ZSWIM5: variants seen among roughly 807,000 people sequenced by gnomAD.
ZSWIM5 encodes the protein zinc finger SWIM-type containing 5.
In ZSWIM5, 55 loss-of-function variants were observed where a neutral mutation model predicts 119.6. The observed-to-expected ratio is 0.46, with a 90% CI of 0.37 to 0.58. ZSWIM5 has a LOEUF of 0.58. Among genes scored for constraint, ZSWIM5 ranks in the 20% least tolerant of loss-of-function variants. The pLI, the probability that ZSWIM5 is intolerant of heterozygous loss-of-function variation, is 0.00. For synonymous variants in ZSWIM5, 537 were observed against 606.9 expected (o/e 0.88, Z 1.69); for missense variants, 1,193 against 1,512.8 (o/e 0.79, Z 3.51).
At chr1:45,104,384 T>A (rs1361865853) in intron 1 of ZSWIM5, among the ~76,000 whole-genome samples, 1 of 152,202 alleles carries the variant, frequency 6.6e-6, no homozygotes, top group African/African-American at 2.4e-5. Flanking sequence ...GAGTTGTAAT[T>A]CTAGTACCCC....
rs1645085847 is a variant in ZSWIM5 at position 45,051,105 on chromosome 1, A to T, written c.1401T>A (p.Asn467Lys). ...NYGHELPNIT[N>K]ALPQSAIHSP... ...TGTGAATGGCACTCTGGGGAAGTGCATTGGTGATGTTGGGCAGCTCATGTC... is the reference window on the plus strand; with the variant it reads ...TGTGAATGGCACTCTGGGGAAGTGCTTTGGTGATGTTGGGCAGCTCATGTC... The change falls in exon 5 of 14, where the codon AAT (asparagine) becomes AAA (lysine). Residue 467 changes from asparagine to lysine, a missense_variant. Around this residue, in one of 2 missense-constraint regions of ZSWIM5, gnomAD observed 961 missense variants for 1,290.0 expected, o/e 0.74. Transcript: ENST00000359600. 1 of 1,614,118 alleles carries T rather than the reference A, an allele frequency of 6.2e-7. No homozygotes were observed. Among genetic ancestry groups the T allele is most frequent in the Non-Finnish European group, 8.5e-7 (1 of 1,180,012 alleles).
At chr1:45,145,305 T>A (rs1645753431) in intron 1 of ZSWIM5, among the ~76,000 whole-genome samples, 1 of 148,184 alleles carries the variant, frequency 6.7e-6, no homozygotes. Flanking sequence ...GCAATCCCAC[T>A]CCTGGGATTT....
chr1:45,118,625 C>T lies in ZSWIM5; in HGVS notation c.596-30388G>A, dbSNP rs752831820. Among the ~76,000 whole-genome samples, 4 of 151,624 alleles carry T rather than the reference C, an allele frequency of 2.6e-5. 1 individual carries two copies. Among genetic ancestry groups the T allele is most frequent in the Non-Finnish European group, 5.9e-5 (4 of 67,864 alleles). On this transcript the variant is annotated intron_variant, in intron 1 of 13. Coordinates refer to ENST00000359600, the MANE Select transcript of ZSWIM5 (RefSeq NM_020883.2). ...AGTGTGCTGGTGCATGCCTGTAGTC[C>T]CAGCTACTCTGGAGGCTGAGGTGGT...
intron 1 of ZSWIM5, among the ~76,000 whole-genome samples, chr1:45,171,049 C>T (rs1432712827): frequency 6.6e-6 from 1 of 152,022 alleles, no homozygotes; most frequent in Non-Finnish European, 1.5e-5. Flanking sequence ...ATAAATCATA[C>T]ATTTTCACAT....
At chr1:45,039,449 G>A (rs923369679) in intron 7 of ZSWIM5, among the ~76,000 whole-genome samples, 2 of 152,324 alleles carry the variant, frequency 1.3e-5, no homozygotes, top group South Asian at 4.1e-4. Context: ...GCAGTGGCGT[G>A]ATCTTGGCTC....
At chr1:45,178,609 G>T (rs1282274706) in intron 1 of ZSWIM5, among the ~76,000 whole-genome samples, 2 of 152,022 alleles carry the variant, frequency 1.3e-5, no homozygotes. Flanking sequence ...TATTTAGTAA[G>T]AAATTTGCAT....
At position 45,057,946 on chromosome 1, in the gene ZSWIM5, A is replaced by G. The variant is rs536730015; in HGVS notation, c.1252+663T>C. 1.3e-5 allele frequency among the ~76,000 whole-genome samples: 2 copies of G among 152,226 alleles called. No homozygotes were observed. The highest frequency in any genetic ancestry group is 2.9e-5 in the Non-Finnish European group (2 of 68,040). Reference sequence around the variant, plus strand: ...GTCACTGGATGTAGGGAATGAAAGAAAAATGAGTGCTTAGCAATAAGTTTG... The same window carrying G: ...GTCACTGGATGTAGGGAATGAAAGAGAAATGAGTGCTTAGCAATAAGTTTG... On this transcript the variant is annotated intron_variant, in intron 4 of 13. Coordinates refer to ENST00000359600, the MANE Select transcript of ZSWIM5 (RefSeq NM_020883.2). This position sits in a 1 kb window ranked among gnomAD's most constrained non-coding sequence, Gnocchi z 4.7.
rs189694612 is a variant in ZSWIM5 at position 45,036,257 on chromosome 1, A to G, written c.1937T>C (p.Val646Ala). Residue 646 changes from valine to alanine, a missense_variant, in exon 9 of 14, where the codon GTG (valine) becomes GCG (alanine). By Grantham distance (64) the Val-to-Ala change is moderately conservative (BLOSUM62 0). Transcript: ENST00000359600. ...SRPPVYQHVP[V>A]AAGSPNSSES... ...ACTGCTGTTTGGGGAGCCTGCAGCC[A>G]CAGGTACATGCTGGTACACAGGGGG... The G allele has an allele frequency of 5.6e-6, 9 of 1,614,024 alleles. No homozygotes were observed. Among genetic ancestry groups the G allele is most frequent in the African/African-American group, 4.0e-5 (3 of 75,030 alleles).
At chr1:45,160,041 T>C (rs1325492923) in intron 1 of ZSWIM5, among the ~76,000 whole-genome samples, 1 of 152,210 alleles carries the variant, frequency 6.6e-6, no homozygotes, top group East Asian at 1.9e-4. Flanking sequence ...TATGAATAGG[T>C]GTGACTCAAA....
chr1:45,190,741 G>A (rs558862029), intron 1 of ZSWIM5, among the ~76,000 whole-genome samples: 2 of 152,152 alleles, frequency 1.3e-5, no homozygotes, highest in South Asian at 4.1e-4. Context: ...CACCAAGATA[G>A]AATGAGAAAT....
intron 1 of ZSWIM5, among the ~76,000 whole-genome samples, chr1:45,202,669 A>G (rs2149058131): frequency 6.6e-6 from 1 of 152,196 alleles, no homozygotes; most frequent in African/African-American, 2.4e-5. Context: ...CCTTTAGCCA[A>G]TTTTTAAAAC....
intron 1 of ZSWIM5, among the ~76,000 whole-genome samples, chr1:45,149,107 A>AT (rs971979814): frequency 7.9e-4 from 116 of 146,700 alleles, no homozygotes; most frequent in Admixed American, 8.8e-4. Context: ...CACCTCTACA[A>AT]TTTTTTTTTT....
intron 1 of ZSWIM5, among the ~76,000 whole-genome samples, chr1:45,126,015 C>T (rs1312687253): frequency 6.6e-6 from 1 of 151,798 alleles, no homozygotes; most frequent in African/African-American, 2.4e-5. Flanking sequence ...TTACAGTGAG[C>T]CTTGATTGCA....
chr1:45,134,661 T>C (rs1401574014), intron 1 of ZSWIM5, among the ~76,000 whole-genome samples: 1 of 152,206 alleles, frequency 6.6e-6, no homozygotes, highest in Non-Finnish European at 1.5e-5. Flanking sequence ...TCCTTCTTTT[T>C]GGTTTAGATT....
intron 5 of ZSWIM5, among the ~76,000 whole-genome samples, chr1:45,044,810 T>A (rs1262989884): frequency 2.7e-4 from 3 of 10,998 alleles, no homozygotes; most frequent in Non-Finnish European, 4.8e-4. Flanking sequence ...TATAAATATA[T>A]ATATATATAT....
Position 45,016,804 on chromosome 1 carries a change from C to T in ZSWIM5, c.*1650G>A, listed in dbSNP as rs1644856711. The T allele has an allele frequency of 6.6e-6, 1 of 152,218 alleles. No individual in the cohort carries two copies. Among genetic ancestry groups the T allele is most frequent in the Admixed American group, 6.5e-5 (1 of 15,276 alleles). The allele number at this position is 152,218 out of a possible 1,614,324, so 9.4% of individuals were successfully genotyped here. On this transcript the variant is annotated 3_prime_UTR_variant, in exon 14 of 14. Coordinates refer to ENST00000359600, the MANE Select transcript of ZSWIM5 (RefSeq NM_020883.2). ...ACTTTTCTGAGTGCCCTTGCTACCTCCTATAACAATTCCAGGCTGAGCACA... is the reference window on the plus strand; with the variant it reads ...ACTTTTCTGAGTGCCCTTGCTACCTTCTATAACAATTCCAGGCTGAGCACA...
intron 1 of ZSWIM5, among the ~76,000 whole-genome samples, chr1:45,140,112 G>C (rs531282048): frequency 1.3e-5 from 2 of 152,146 alleles, no homozygotes; most frequent in Non-Finnish European, 2.9e-5. Flanking sequence ...GCTGTGATAA[G>C]GTACTAATAC....
At chr1:45,193,739 T>C (rs898393355) in intron 1 of ZSWIM5, among the ~76,000 whole-genome samples, 1 of 152,140 alleles carries the variant, frequency 6.6e-6, no homozygotes, top group African/African-American at 2.4e-5. Flanking sequence ...GTAATAATAA[T>C]AGTGAATATT....
chr1:45,043,147 T>C (rs1645026019), intron 6 of ZSWIM5, 72 bp downstream of exon 6: 1 of 1,488,012 alleles, frequency 6.7e-7, no homozygotes, highest in South Asian at 1.2e-5. Flanking sequence ...CAGGTACGTA[T>C]GAAGATGGCT....
Sources: allele counts gnomAD v4.1 joint callset (sites outside exome capture counted in the v4.1 genomes callset), GRCh38; gene constraint gnomAD v4.1.1; regional missense constraint gnomAD v4.1.1; non-coding constraint Gnocchi (gnomAD v3.1); transcripts MANE v1.5; gene names NCBI Gene and HGNC (gene_info 2026-07-23, HGNC 2026-07-21).